The following KSR2 variants were observed in gnomAD, a reference collection of about 807,000 sequenced individuals.
The protein encoded by KSR2 is kinase suppressor of ras 2.
In KSR2, 25 loss-of-function variants were observed where a neutral mutation model predicts 107.8. That is an observed-to-expected ratio of 0.23 (90% confidence interval 0.17 to 0.32). The LOEUF is 0.32. KSR2 is among the 10% of genes least tolerant of loss of function. The pLI, the probability that KSR2 is intolerant of heterozygous loss-of-function variation, is 1.00. For synonymous variants in KSR2, 480 were observed against 507.0 expected (o/e 0.95, Z 0.71); for missense variants, 887 against 1,268.9 (o/e 0.70, Z 4.57).
intron 7 of KSR2, among the ~76,000 whole-genome samples, chr12:117,574,176 G>A (rs1879102601): frequency 6.6e-6 from 1 of 151,124 alleles, no homozygotes; most frequent in South Asian, 2.1e-4. Flanking sequence ...GATTCTAGGA[G>A]TGGAGCCCAG....
chr12:117,875,465 C>T (rs1893811303), intron 1 of KSR2, among the ~76,000 whole-genome samples: 1 of 151,948 alleles, frequency 6.6e-6, no homozygotes, highest in African/African-American at 2.4e-5. Context: ...GCAGCAGCGC[C>T]AAGGGAAGGG....
At chr12:117,936,955 A>T (rs570470509) in intron 1 of KSR2, among the ~76,000 whole-genome samples, 1 of 152,304 alleles carries the variant, frequency 6.6e-6, no homozygotes, top group South Asian at 2.1e-4. Context: ...GCCAGAGCCC[A>T]GAGGGTGCCC....
chr12:117,657,906 C>A (rs1884255127), intron 5 of KSR2, among the ~76,000 whole-genome samples: 1 of 152,236 alleles, frequency 6.6e-6, no homozygotes, highest in Non-Finnish European at 1.5e-5. Flanking sequence ...GAAACAAATA[C>A]TCATATAAGT....
intron 3 of KSR2, among the ~76,000 whole-genome samples, chr12:117,847,789 C>T (rs553661201): frequency 6.6e-4 from 101 of 152,300 alleles, no homozygotes; most frequent in African/African-American, 2.3e-3. Context: ...GGATGCTCCC[C>T]TCCCTCCCGT....
chr12:117,506,177 T>A (rs1478680087), intron 14 of KSR2, among the ~76,000 whole-genome samples: 2 of 152,202 alleles, frequency 1.3e-5, no homozygotes, highest in Non-Finnish European at 2.9e-5. Context: ...TAAGAAAGAA[T>A]CTTCAAAGTC....
intron 17 of KSR2, among the ~76,000 whole-genome samples, chr12:117,474,974 C>T (rs1012291153): frequency 6.6e-6 from 1 of 152,128 alleles, no homozygotes; most frequent in Non-Finnish European, 1.5e-5. Flanking sequence ...CTAGGCACCA[C>T]CCAAATTCAA....
At chr12:117,956,181 C>T (rs553492453) in intron 1 of KSR2, among the ~76,000 whole-genome samples, 21 of 130,222 alleles carry the variant, frequency 1.6e-4, no homozygotes, top group Non-Finnish European at 2.3e-4. Context: ...ACCTGGGAGG[C>T]GGAGCTTGCA....
chr12:117,933,675 C>T (rs186192905), intron 1 of KSR2, among the ~76,000 whole-genome samples: 1 of 152,234 alleles, frequency 6.6e-6, no homozygotes, highest in East Asian at 1.9e-4. Flanking sequence ...ACCCGATAAA[C>T]AGCAAAGTCA....
rs367971575 is a variant in KSR2, at chr12:117,937,730, G to A, written c.180+30346C>T. The stretch of plus-strand genomic sequence containing the variant: ...TCCCAGCACTTTGGGAGGCTGAGGC[G>A]GGTGGATCACTTGAGGTCAGGAGTT... On this transcript the variant is annotated intron_variant, in intron 1 of 19. Transcript: ENST00000339824. 2.2e-3 allele frequency among the ~76,000 whole-genome samples: 340 copies of A among 151,166 alleles called. 3 individuals are homozygous for A. The highest frequency in any genetic ancestry group is 8.0e-3 in the African/African-American group (329 of 41,206).
chr12:117,837,305 T>C (rs1892259582), intron 3 of KSR2, among the ~76,000 whole-genome samples: 1 of 152,142 alleles, frequency 6.6e-6, no homozygotes, highest in African/African-American at 2.4e-5. Context: ...TACTTAAAAG[T>C]TGAGATGATC....
At chr12:117,612,601 G>T (rs1203665620) in intron 5 of KSR2, among the ~76,000 whole-genome samples, 2 of 152,118 alleles carry the variant, frequency 1.3e-5, no homozygotes, top group African/African-American at 4.8e-5. Context: ...CCAGAAGGTT[G>T]CTAGGAAATA....
Position 117,968,891 on chromosome 12 carries a change from C to CGCTGCTGCTGCTGCT in KSR2, c.-651_-637dup, listed in dbSNP as rs761063521. Reference sequence around the variant, plus strand: ...GCGGCTGGCTGCTGTCTCCTCCCCGCGCTGCTGCTGCTGCTGCTGCTGCCG... The same window carrying CGCTGCTGCTGCTGCT: ...GCGGCTGGCTGCTGTCTCCTCCCCGCGCTGCTGCTGCTGCTGCTGCTGCTGCTGCTGCTGCTGCCG... On this transcript the variant is annotated 5_prime_UTR_variant, in exon 1 of 20. Coordinates refer to ENST00000339824, the MANE Select transcript of KSR2 (RefSeq NM_173598.6). The CGCTGCTGCTGCTGCT allele has an allele frequency of 1.2e-5, 3 of 243,882 alleles. No homozygotes were observed. Among genetic ancestry groups the CGCTGCTGCTGCTGCT allele is most frequent in the African/African-American group, 7.1e-5 (3 of 42,374 alleles). The allele number at this position is 243,882 out of a possible 1,614,324, so 15.1% of individuals were successfully genotyped here.
At chr12:117,964,850 G>A (rs140297917) in intron 1 of KSR2, among the ~76,000 whole-genome samples, 90 of 152,298 alleles carry the variant, frequency 5.9e-4, no homozygotes, top group African/African-American at 2.1e-3. Context: ...CTGACTCAAC[G>A]TTCATGAACT....
At chr12:117,672,012 T>A (rs1050321729) in intron 4 of KSR2, among the ~76,000 whole-genome samples, 1 of 152,158 alleles carries the variant, frequency 6.6e-6, no homozygotes, top group Non-Finnish European at 1.5e-5. Flanking sequence ...GCCTGCAAAG[T>A]CCTTAGCGCC....
chr12:117,871,018 A>T (rs1352251534), intron 1 of KSR2, among the ~76,000 whole-genome samples: 1 of 152,210 alleles, frequency 6.6e-6, no homozygotes, highest in African/African-American at 2.4e-5. Context: ...TCTTTCTCCT[A>T]GTTTTCCAGG....
intron 5 of KSR2, among the ~76,000 whole-genome samples, chr12:117,629,030 T>G (rs1882676632): frequency 1.3e-5 from 2 of 152,246 alleles, no homozygotes; most frequent in African/African-American, 2.4e-5. Context: ...GAGAATCACC[T>G]TGTCTGCCAG....
intron 1 of KSR2, among the ~76,000 whole-genome samples, chr12:117,883,702 T>C (rs1894092032): frequency 6.6e-6 from 1 of 151,868 alleles, no homozygotes; most frequent in Admixed American, 6.6e-5. Context: ...GGAGTAAAAC[T>C]CTGTCTCTAC....
intron 14 of KSR2, among the ~76,000 whole-genome samples, chr12:117,518,111 T>G (rs187990032): frequency 9.2e-5 from 14 of 152,310 alleles, no homozygotes; most frequent in Admixed American, 5.9e-4. Flanking sequence ...ATTACTACCT[T>G]GTCCCTAGGA....
At chr12:117,630,931 G>C (rs1312253358) in intron 5 of KSR2, among the ~76,000 whole-genome samples, 1 of 152,150 alleles carries the variant, frequency 6.6e-6, no homozygotes, top group African/African-American at 2.4e-5. Flanking sequence ...AAAGACCTGA[G>C]GATTCACAAT....
Sources: allele counts gnomAD v4.1 joint callset (sites outside exome capture counted in the v4.1 genomes callset), GRCh38; gene constraint gnomAD v4.1.1; transcripts MANE v1.5; gene names NCBI Gene and HGNC (gene_info 2026-07-23, HGNC 2026-07-21).